BLK: variants seen among roughly 807,000 people sequenced by gnomAD.
BLK encodes the protein BLK proto-oncogene, Src family tyrosine kinase.
A neutral mutation model predicts 61.8 loss-of-function variants in BLK; 64 were observed. The observed-to-expected ratio is 1.03, with a 90% CI of 0.85 to 1.27. BLK has a LOEUF of 1.27. BLK is among the 50% of genes most tolerant of loss of function. The probability of loss-of-function intolerance (pLI) is 0.00; values close to 1 mark genes in which losing one functional copy is unlikely to be tolerated. For missense variants in BLK, 853 were observed against 660.5 expected, an observed-to-expected ratio of 1.29 and a Z score of -3.19; for synonymous variants, 351 against 272.0, an observed-to-expected ratio of 1.29 and a Z score of -2.86.
At chr8:11,531,885 G>T (rs974410312) in intron 1 of BLK, among the ~76,000 whole-genome samples, 11 of 152,170 alleles carry the variant, frequency 7.2e-5, no homozygotes, top group Non-Finnish European at 1.5e-5. Flanking sequence ...TTGAGACAGA[G>T]TCTCGCCCTG....
At chr8:11,500,458 A>T (rs1237844441) in intron 1 of BLK, among the ~76,000 whole-genome samples, 1 of 151,928 alleles carries the variant, frequency 6.6e-6, no homozygotes, top group Non-Finnish European at 1.5e-5. Flanking sequence ...GGCCTCCCAA[A>T]GTGTTGGGAT....
chr8:11,563,246 T>C, intron 12 of BLK, 136 bp downstream of exon 12: 1 of 1,319,598 alleles, frequency 7.6e-7, no homozygotes, highest in Non-Finnish European at 1.0e-6. Context: ...GACCCAGGCA[T>C]GGCATCTGGG....
chr8:11,527,858 A>G (rs941955518), intron 1 of BLK, among the ~76,000 whole-genome samples: 2 of 152,118 alleles, frequency 1.3e-5, no homozygotes, highest in Non-Finnish European at 2.9e-5. Flanking sequence ...GGGAGTCAGA[A>G]ATCTTGTGAC....
intron 1 of BLK, among the ~76,000 whole-genome samples, chr8:11,538,882 C>T (rs1800250759): frequency 6.6e-6 from 1 of 152,204 alleles, no homozygotes; most frequent in East Asian, 1.9e-4. Context: ...CTGGGCAAAT[C>T]ACTCAAATCC....
At chr8:11,515,164 G>A (rs904618021) in intron 1 of BLK, among the ~76,000 whole-genome samples, 4 of 152,190 alleles carry the variant, frequency 2.6e-5, no homozygotes, top group African/African-American at 9.7e-5. Context: ...GGAAGCTCTC[G>A]AGTGGGGTGT....
chr8:11,519,100 C>CATCA (rs1222259872), intron 1 of BLK, among the ~76,000 whole-genome samples: 1 of 152,220 alleles, frequency 6.6e-6, no homozygotes, highest in African/African-American at 2.4e-5. Flanking sequence ...CTCCTCCCTG[C>CATCA]ATCAACTAGA....
intron 1 of BLK, among the ~76,000 whole-genome samples, chr8:11,508,636 C>T (rs942623325): frequency 1.3e-5 from 2 of 152,248 alleles, no homozygotes; most frequent in African/African-American, 4.8e-5. Context: ...TTCGGGTCTC[C>T]TGGAATTGGA....
chr8:11,533,010 G>A (rs1434407350), intron 1 of BLK, among the ~76,000 whole-genome samples: 1 of 152,210 alleles, frequency 6.6e-6, no homozygotes, highest in Non-Finnish European at 1.5e-5. Flanking sequence ...TGCTGTCAGG[G>A]CTACATATAA....
Position 11,561,375 on chromosome 8 carries a change from T to C in BLK, c.1103T>C (p.Val368Ala). The change falls in exon 11 of 13, where the codon GTG becomes GCG. Residue 368 changes from valine to alanine, a missense_variant. Physicochemically the swap from Val to Ala is moderately conservative, Grantham distance 64 (BLOSUM62 0). Transcript: ENST00000259089. ...HRDLRAANIL[V>A]SEALCCKIAD... ...GACCTGCGGGCGGCCAACATCCTGG[T>C]GTCTGAGGCCTTGTGCTGCAAAATT... 6.2e-7 allele frequency: 1 copy of C among 1,614,098 alleles called. No individual in the cohort carries two copies. Among genetic ancestry groups the C allele is most frequent in the Non-Finnish European group, 8.5e-7 (1 of 1,180,000 alleles).
chr8:11,507,963 C>G (rs1365185910), intron 1 of BLK, among the ~76,000 whole-genome samples: 2 of 152,252 alleles, frequency 1.3e-5, no homozygotes, highest in Non-Finnish European at 2.9e-5. Flanking sequence ...CCAGTGCACC[C>G]TTTGGTGGCT....
At chr8:11,561,035 T>C (rs1801483463) in intron 10 of BLK, 2 of 640,250 alleles carry the variant, frequency 3.1e-6, no homozygotes, top group Admixed American at 2.1e-5. Context: ...TGCAGACCCT[T>C]GGACACAGCT....
At chr8:11,533,049 A>C (rs986207184) in intron 1 of BLK, among the ~76,000 whole-genome samples, 2 of 152,242 alleles carry the variant, frequency 1.3e-5, no homozygotes, top group African/African-American at 4.8e-5. Context: ...TAAAATGCCC[A>C]GCCTTGAGTC....
intron 1 of BLK, among the ~76,000 whole-genome samples, chr8:11,516,248 C>T (rs1799220927): frequency 6.6e-6 from 1 of 152,176 alleles, no homozygotes; most frequent in African/African-American, 2.4e-5. Context: ...GGTGCGAGAG[C>T]CTGACGTCTT....
chr8:11,506,143 G>A (rs1289506596), intron 1 of BLK, among the ~76,000 whole-genome samples: 1 of 152,186 alleles, frequency 6.6e-6, no homozygotes, highest in East Asian at 1.9e-4. Context: ...CTTTTCCTGA[G>A]GTCACGCAGA....
intron 6 of BLK, among the ~76,000 whole-genome samples, chr8:11,551,221 G>A (rs940309072): frequency 6.6e-6 from 1 of 152,176 alleles, no homozygotes; most frequent in African/African-American, 2.4e-5. Context: ...GTAACAAAGT[G>A]GCACAGACTG....
At chr8:11,546,125 G>A in intron 3 of BLK, 22 bp downstream of exon 3, 1 of 1,614,026 alleles carries the variant, frequency 6.2e-7, no homozygotes, top group Non-Finnish European at 8.5e-7. Context: ...GGTTTGGGAA[G>A]CTGAGGCTCC....
At chr8:11,555,624 C>G in intron 8 of BLK, 140 bp downstream of exon 8, 1 of 1,338,308 alleles carries the variant, frequency 7.5e-7, no homozygotes, top group Non-Finnish European at 1.0e-6. Context: ...CGAGGACACT[C>G]ATTTTACAGA....
intron 2 of BLK, 82 bp downstream of exon 2, chr8:11,543,429 G>C (rs1800482150): frequency 3.8e-6 from 6 of 1,570,088 alleles, no homozygotes; most frequent in Middle Eastern, 1.7e-4. Flanking sequence ...AATGGGTATA[G>C]CAAAAGTGCC....
intron 8 of BLK, 96 bp downstream of exon 8, chr8:11,555,580 C>T (rs1277535074): frequency 2.6e-6 from 4 of 1,562,168 alleles, no homozygotes; most frequent in Non-Finnish European, 2.6e-6. Context: ...GTCATCCCTC[C>T]CCCAGAAGTC....
Sources: allele counts gnomAD v4.1 joint callset (sites outside exome capture counted in the v4.1 genomes callset), GRCh38; gene constraint gnomAD v4.1.1; transcripts MANE v1.5; gene names NCBI Gene and HGNC (gene_info 2026-07-23, HGNC 2026-07-21).